NMNAT1: variants seen among roughly 807,000 people sequenced by gnomAD.
NMNAT1 encodes nicotinamide nucleotide adenylyltransferase 1.
A neutral mutation model predicts 16.7 loss-of-function variants in NMNAT1; 11 were observed. That is an observed-to-expected ratio of 0.66 (90% CI 0.41 to 1.09). NMNAT1 has a LOEUF of 1.09. NMNAT1 is among the 50% of genes least tolerant of loss of function. The pLI, the probability that NMNAT1 is intolerant of heterozygous loss-of-function variation, is 0.00. For synonymous variants in NMNAT1, 110 were observed against 119.8 expected, an observed-to-expected ratio of 0.92 and a Z score of 0.53; for missense variants, 280 against 332.3, an observed-to-expected ratio of 0.84 and a Z score of 1.22.
chr1:9,967,807 C>T (rs1189923026), intron 1 of NMNAT1, among the ~76,000 whole-genome samples: 1 of 151,898 alleles, frequency 6.6e-6, no homozygotes, highest in African/African-American at 2.4e-5. Context: ...TGGCAAAACC[C>T]CATCTCTACA....
In NMNAT1 at chr1:9,975,631, G is replaced by T. The variant is rs768528387; in HGVS notation, c.155G>T (p.Gly52Val). 16 of 1,613,748 alleles carry T rather than the reference G, an allele frequency of 9.9e-6. No individual in the cohort carries two copies. The highest frequency in any genetic ancestry group is 1.4e-5 in the Non-Finnish European group (16 of 1,179,938). Reference sequence around the variant, plus strand: ...GTCAAAGGCATCATCTCTCCTGTTGGTGATGCCTACAAGAAGAAAGGACTC... The same window carrying T: ...GTCAAAGGCATCATCTCTCCTGTTGTTGATGCCTACAAGAAGAAAGGACTC... ...TVVKGIISPV[G>V]DAYKKKGLIP... Residue 52 changes from glycine (G) to valine (V), a missense_variant, in exon 3 of 5, where the codon GGT (glycine) becomes GTT (valine). By Grantham distance (109) the Gly-to-Val change is moderately radical. Coordinates refer to ENST00000377205, the MANE Select transcript of NMNAT1 (RefSeq NM_022787.4).
Position 9,982,373 on chromosome 1 carries a change from G to A in NMNAT1, c.512G>A (p.Ser171Asn), listed in dbSNP as rs769493618. 36 of 1,614,062 alleles carry A rather than the reference G, an allele frequency of 2.2e-5. No homozygotes were observed. Among genetic ancestry groups the A allele is most frequent in the Non-Finnish European group, 2.9e-5 (34 of 1,180,044 alleles). Residue 171 changes from serine to asparagine, a missense_variant, in exon 5 of 5, where the codon AGT (serine) becomes AAT (asparagine). Transcript: ENST00000377205. ...TTTGCTGTTCCCAATTTGTGGAAGA[G>A]TGAAGACATCACCCAAATCGTGGCC... ...ESFAVPNLWKSEDITQIVANY... is the reference protein window; with the variant it reads ...ESFAVPNLWKNEDITQIVANY...
downstream of NMNAT1, among the ~76,000 whole-genome samples, chr1:9,989,173 C>T (rs1642080961): frequency 6.6e-6 from 1 of 152,050 alleles, no homozygotes; most frequent in Admixed American, 6.6e-5. Context: ...CCATGAAAAC[C>T]CCAGGCTCAG....
At chr1:9,974,753 G>A (rs1194976820) in intron 2 of NMNAT1, among the ~76,000 whole-genome samples, 1 of 151,732 alleles carries the variant, frequency 6.6e-6, no homozygotes, top group African/African-American at 2.4e-5. Flanking sequence ...TGAGCTCCTG[G>A]GCTCAAGTGA....
the NMNAT1 span, among the ~76,000 whole-genome samples, chr1:9,990,643 T>C: frequency 2.0e-5 from 3 of 152,150 alleles, no homozygotes; most frequent in Non-Finnish European, 4.4e-5. Context: ...ATGGATGGTG[T>C]GGAGTCCACC....
chr1:9,956,420 C>CTTT (rs758331917), intron 1 of NMNAT1, among the ~76,000 whole-genome samples: 4 of 117,554 alleles, frequency 3.4e-5, no homozygotes, highest in African/African-American at 1.4e-4. Flanking sequence ...ATTGGTCTAC[C>CTTT]TTTTTTTTTT....
intron 1 of NMNAT1, among the ~76,000 whole-genome samples, chr1:9,952,086 C>T (rs1227006802): frequency 2.6e-5 from 4 of 151,966 alleles, no homozygotes; most frequent in South Asian, 4.2e-4. Context: ...ATCACGAGGT[C>T]GGGAGATCCA....
intron 1 of NMNAT1, among the ~76,000 whole-genome samples, chr1:9,960,113 T>C (rs543932192): frequency 3.2e-4 from 48 of 152,184 alleles, no homozygotes; most frequent in African/African-American, 1.1e-3. Flanking sequence ...TTTCGAAAAG[T>C]TGATTTTTAA....
chr1:9,986,839 G>A (rs138222412), downstream of NMNAT1, among the ~76,000 whole-genome samples: 1,096 of 152,152 alleles, frequency 7.2e-3, 6 homozygotes, highest in Non-Finnish European at 0.012. Context: ...CTGAGATTGC[G>A]CCATTGCACT....
At chr1:9,990,974 G>T in the NMNAT1 span, among the ~76,000 whole-genome samples, 4 of 152,174 alleles carry the variant, frequency 2.6e-5, no homozygotes, top group Admixed American at 6.6e-5. Flanking sequence ...GGCAAGTGGA[G>T]TCTATGTCTA....
At chr1:9,974,639 C>T (rs1472813939) in intron 2 of NMNAT1, among the ~76,000 whole-genome samples, 3 of 152,036 alleles carry the variant, frequency 2.0e-5, no homozygotes, top group Non-Finnish European at 1.5e-5. Flanking sequence ...CCACCCGCCT[C>T]GAACTCCCAA....
chr1:9,945,936 T>C lies in NMNAT1; in HGVS notation c.-57+2421T>C, dbSNP rs555330536. ...ATCCGGCTAGTTTTTGTATTTTTTGTAGAGATGAGGTTTTGTCATGTTGCC... is the reference window on the plus strand; with the variant it reads ...ATCCGGCTAGTTTTTGTATTTTTTGCAGAGATGAGGTTTTGTCATGTTGCC... On this transcript the variant is annotated intron_variant, in intron 1 of 4. Transcript: ENST00000377205. Among the ~76,000 whole-genome samples the C allele has an allele frequency of 9.1e-4, 138 of 152,214 alleles. 1 individual carries two copies. Among genetic ancestry groups the C allele is most frequent in the African/African-American group, 3.1e-3 (130 of 41,558 alleles).
In NMNAT1 at chr1:9,972,014, G is replaced by T. The variant is rs1228996755; in HGVS notation, c.-56-4G>T. The stretch of plus-strand genomic sequence containing the variant: ...ACTGAATTTATTTTCTTTTTCCTTT[G>T]TAGACAACAAGGGAGGTGTCACAGT... On this transcript the variant is annotated splice_region_variant and splice_polypyrimidine_tract_variant and intron_variant, in intron 1 of 4. Transcript: ENST00000377205. 2 of 871,134 alleles carry T rather than the reference G, an allele frequency of 2.3e-6. No individual in the cohort carries two copies. Among genetic ancestry groups the T allele is most frequent in the Non-Finnish European group, 3.9e-6 (2 of 517,700 alleles). 54.0% of individuals were successfully genotyped at this position (871,134 alleles called of 1,614,324 possible).
intron 1 of NMNAT1, among the ~76,000 whole-genome samples, chr1:9,962,039 A>T (rs1373056574): frequency 6.6e-6 from 1 of 151,792 alleles, no homozygotes; most frequent in East Asian, 2.0e-4. Flanking sequence ...AAATGCTGGG[A>T]TTACAGGCAT....
chr1:9,979,161 C>A (rs143111562), intron 3 of NMNAT1, among the ~76,000 whole-genome samples: 2,196 of 152,180 alleles, frequency 0.014, 32 homozygotes, highest in Admixed American at 0.024. Context: ...GTAATATAGT[C>A]GCTTTGTAAT....
At chr1:9,987,359 A>AG (rs1642057595), downstream of NMNAT1, among the ~76,000 whole-genome samples, 1 of 151,954 alleles carries the variant, frequency 6.6e-6, no homozygotes, top group South Asian at 2.1e-4. Context: ...TTAGCCAGGC[A>AG]GCAGGGCGCA....
chr1:9,942,927 T>C (rs1267424436), upstream of NMNAT1: 1 of 354,474 alleles, frequency 2.8e-6, no homozygotes, highest in African/African-American at 2.1e-5. Context: ...CCGCAGCCTT[T>C]CTGAGTTTCT....
At chr1:9,947,114 TA>T (rs906161882) in intron 1 of NMNAT1, among the ~76,000 whole-genome samples, 3 of 152,202 alleles carry the variant, frequency 2.0e-5, no homozygotes, top group Non-Finnish European at 4.4e-5. Flanking sequence ...GGATATATAA[TA>T]GATGTCTCAA....
chr1:9,990,640 G>A, the NMNAT1 span, among the ~76,000 whole-genome samples: 2 of 152,154 alleles, frequency 1.3e-5, no homozygotes, highest in Non-Finnish European at 2.9e-5. Context: ...GGTATGGATG[G>A]TGTGGAGTCC....
Sources: allele counts gnomAD v4.1 joint callset (sites outside exome capture counted in the v4.1 genomes callset), GRCh38; gene constraint gnomAD v4.1.1; transcripts MANE v1.5; gene names NCBI Gene and HGNC (gene_info 2026-07-23, HGNC 2026-07-21).